The following TMCC3 variants were observed in gnomAD, a reference collection of about 807,000 sequenced individuals.
TMCC3 encodes the protein transmembrane and coiled-coil domain protein 3.
TMCC3 carries 28 observed loss-of-function variants against 40.2 expected under a neutral mutation model. The ratio of observed to expected loss-of-function variants is 0.70; its 90% CI spans 0.52 to 0.95. The LOEUF (loss-of-function observed/expected upper bound fraction) is 0.95. Ranked by LOEUF, TMCC3 falls within the 40% of genes least tolerant of loss-of-function variation. The pLI, the probability that TMCC3 is intolerant of heterozygous loss-of-function variation, is 0.00. For missense variants in TMCC3, 554 were observed against 615.2 expected (o/e 0.90, Z 1.05); for synonymous variants, 255 against 248.5 (o/e 1.03, Z -0.25).
At chr12:94,593,380 A>AGAGAGG (rs1555282839) in intron 1 of TMCC3, among the ~76,000 whole-genome samples, 1 of 64,438 alleles carries the variant, frequency 1.6e-5, no homozygotes, top group African/African-American at 1.0e-4. Flanking sequence ...AAAGAAAAGA[A>AGAGAGG]AAGAAAGAAG....
Position 94,592,661 on chromosome 12 carries a change from CAAAAA to C in TMCC3, c.79-10128_79-10124del, listed in dbSNP as rs869058316. ...TGAGCCTGGACAACAGGCTCCATCTCAAAAAAAAAAAAAAAAAAAAAATTCTATTT... is the reference window on the plus strand; with the variant it reads ...TGAGCCTGGACAACAGGCTCCATCTCAAAAAAAAAAAAAAAAATTCTATTT... On this transcript the variant is annotated intron_variant, in intron 1 of 3. Coordinates refer to ENST00000261226, the MANE Select transcript of TMCC3 (RefSeq NM_020698.4). Among the ~76,000 whole-genome samples, 24 of 27,502 alleles carry C rather than the reference CAAAAA, an allele frequency of 8.7e-4. 2 individuals are homozygous for C. In the South Asian group the frequency reaches 9.8e-3, roughly 11 times the overall value. 18.0% of individuals were successfully genotyped at this position (27,502 alleles called of 152,430 possible). A position where few individuals can be genotyped will look rare whatever the true frequency, so the allele number is the denominator to read the frequency against.
chr12:94,574,299 A>G (rs2068550440), intron 3 of TMCC3, among the ~76,000 whole-genome samples: 1 of 151,992 alleles, frequency 6.6e-6, no homozygotes, highest in African/African-American at 2.4e-5. Flanking sequence ...GAGGCAGGAG[A>G]ATCACTTGAA....
At chr12:94,649,480 T>A (rs1361667521) in intron 1 of TMCC3, among the ~76,000 whole-genome samples, 1 of 152,242 alleles carries the variant, frequency 6.6e-6, no homozygotes, top group Non-Finnish European at 1.5e-5. Flanking sequence ...AGGTGCCTCC[T>A]GCCAGAACAG....
intron 1 of TMCC3, among the ~76,000 whole-genome samples, chr12:94,599,372 T>C (rs1481532161): frequency 6.6e-6 from 1 of 152,120 alleles, no homozygotes; most frequent in Non-Finnish European, 1.5e-5. Context: ...CAGAAGCCAA[T>C]CATTGTCCCC....
chr12:94,568,349 A>C lies in TMCC3; in HGVS notation c.*3086T>G, dbSNP rs1221972181. On this transcript the variant is annotated 3_prime_UTR_variant, in exon 4 of 4. Transcript: ENST00000261226. ...GCTTGAAATAACCAACTCAAGACCCACAGGAGACTATGTCACCAGATAAAC... is the reference window on the plus strand; with the variant it reads ...GCTTGAAATAACCAACTCAAGACCCCCAGGAGACTATGTCACCAGATAAAC... 1.3e-5 allele frequency: 2 copies of C among 149,178 alleles called. No individual in the cohort carries two copies. The highest frequency in any genetic ancestry group is 3.9e-4 in the East Asian group (2 of 5,106). The allele number at this position is 149,178 out of a possible 1,614,324, so 9.2% of individuals were successfully genotyped here. A position where few individuals can be genotyped will look rare whatever the true frequency, so the allele number is the denominator to read the frequency against.
chr12:94,577,160 A>C (rs1250374328), intron 3 of TMCC3, among the ~76,000 whole-genome samples: 1 of 152,118 alleles, frequency 6.6e-6, no homozygotes, highest in African/African-American at 2.4e-5. Context: ...AATTTCTTAC[A>C]AATACGAATG....
At chr12:94,634,127 T>C (rs750339628) in intron 1 of TMCC3, among the ~76,000 whole-genome samples, 1 of 151,974 alleles carries the variant, frequency 6.6e-6, no homozygotes, top group Non-Finnish European at 1.5e-5. Context: ...GTATTTTTAG[T>C]AGAGATGAGG....
At chr12:94,617,776 G>C (rs1394039725) in intron 1 of TMCC3, among the ~76,000 whole-genome samples, 8 of 152,162 alleles carry the variant, frequency 5.3e-5, no homozygotes, top group Non-Finnish European at 8.8e-5. Flanking sequence ...CTGTGTTGGG[G>C]GTGGGATGGA....
chr12:94,629,351 G>T (rs1048463720), intron 1 of TMCC3, among the ~76,000 whole-genome samples: 3 of 152,156 alleles, frequency 2.0e-5, no homozygotes, highest in African/African-American at 7.2e-5. Context: ...GACTCTGGGG[G>T]AGTTCTTCCT....
intron 1 of TMCC3, among the ~76,000 whole-genome samples, chr12:94,600,621 A>G (rs573584344): frequency 6.6e-6 from 1 of 152,274 alleles, no homozygotes; most frequent in East Asian, 1.9e-4. Context: ...ACTGTGGTAC[A>G]TGAACATATT....
chr12:94,589,964 A>G (rs2138835515), intron 1 of TMCC3, among the ~76,000 whole-genome samples: 1 of 152,290 alleles, frequency 6.6e-6, no homozygotes, highest in South Asian at 2.1e-4. Context: ...CATCCATTGC[A>G]TGGATAATCT....
At chr12:94,572,591 G>A (rs377041459) in intron 3 of TMCC3, among the ~76,000 whole-genome samples, 64 of 152,122 alleles carry the variant, frequency 4.2e-4, no homozygotes, top group African/African-American at 1.4e-3. Context: ...AATTACAGGC[G>A]TGAGCCACCA....
intron 1 of TMCC3, among the ~76,000 whole-genome samples, chr12:94,645,022 AG>A (rs1364182509): frequency 1.3e-5 from 2 of 152,212 alleles, no homozygotes; most frequent in Non-Finnish European, 2.9e-5. Flanking sequence ...TGTACAAGAC[AG>A]GGGTATTGTC....
At chr12:94,582,809 G>A (rs1234166584) in intron 1 of TMCC3, among the ~76,000 whole-genome samples, 2 of 151,970 alleles carry the variant, frequency 1.3e-5, no homozygotes, top group Admixed American at 6.6e-5. Context: ...TGGCTCCCAG[G>A]GTAGAAAACG....
chr12:94,569,503 CT>C lies in TMCC3; in HGVS notation c.*1931del, dbSNP rs1309102591. ...GATCAGGGTGGGACTGGTAAGGGAG[CT>C]CTTCTCTGAATCCAAAATACTTTAT... On this transcript the variant is annotated 3_prime_UTR_variant, in exon 4 of 4. Coordinates refer to ENST00000261226, the MANE Select transcript of TMCC3 (RefSeq NM_020698.4). The C allele has an allele frequency of 1.3e-5, 2 of 152,158 alleles. No homozygotes were observed. The highest frequency in any genetic ancestry group is 2.4e-5 in the African/African-American group (1 of 41,422). 9.4% of individuals were successfully genotyped at this position (152,158 alleles called of 1,614,324 possible).
chr12:94,620,425 T>C (rs1419757710), intron 1 of TMCC3, among the ~76,000 whole-genome samples: 1 of 151,632 alleles, frequency 6.6e-6, no homozygotes, highest in Non-Finnish European at 1.5e-5. Context: ...GTAGCTGGGA[T>C]CACAGGAGCC....
intron 1 of TMCC3, chr12:94,616,041 A>G: frequency 1.0e-6 from 1 of 985,226 alleles, no homozygotes; most frequent in South Asian, 4.7e-5. Flanking sequence ...CACCTACCAT[A>G]TGACTCAGCC....
intron 1 of TMCC3, among the ~76,000 whole-genome samples, chr12:94,596,007 A>C (rs2068712970): frequency 6.6e-6 from 1 of 152,214 alleles, no homozygotes; most frequent in African/African-American, 2.4e-5. Context: ...GGGTTGAATA[A>C]AATCATCTTT....
chr12:94,648,960 T>A (rs962085672), intron 1 of TMCC3, among the ~76,000 whole-genome samples: 5 of 152,244 alleles, frequency 3.3e-5, no homozygotes, highest in African/African-American at 1.2e-4. Flanking sequence ...ATTACAGCTA[T>A]CCAAGAAGAA....
Sources: allele counts gnomAD v4.1 joint callset (sites outside exome capture counted in the v4.1 genomes callset), GRCh38; gene constraint gnomAD v4.1.1; transcripts MANE v1.5; gene names NCBI Gene and HGNC (gene_info 2026-07-23, HGNC 2026-07-21).